The following ESR1 variants were observed in gnomAD, a reference collection of about 807,000 sequenced individuals.
ESR1 encodes estrogen receptor 1, also known as estrogen receptor.
ESR1 carries 12 observed loss-of-function variants against 52.7 expected under a neutral mutation model. The observed-to-expected ratio is 0.23, with a 90% CI of 0.15 to 0.37. The LOEUF (loss-of-function observed/expected upper bound fraction) is 0.37, where lower values mean the gene tolerates loss of function less well. Ranked by LOEUF, ESR1 falls within the 10% of genes least tolerant of loss-of-function variation. ESR1 has a pLI of 1.00. For missense variants in ESR1, 584 were observed against 779.7 expected (o/e 0.75, Z 2.99); for synonymous variants, 305 against 316.8 (o/e 0.96, Z 0.39).
At chr6:151,839,082 A>G (rs1176402416) in intron 1 of ESR1, among the ~76,000 whole-genome samples, 10 of 152,214 alleles carry the variant, frequency 6.6e-5, no homozygotes, top group Non-Finnish European at 1.2e-4. Flanking sequence ...TGCTCTAAGC[A>G]CATGGCATTT....
intron 1 of ESR1, among the ~76,000 whole-genome samples, chr6:151,685,044 A>G (rs1051417159): frequency 6.7e-6 from 1 of 148,886 alleles, no homozygotes; most frequent in African/African-American, 2.5e-5. Context: ...GCAAGCTGGG[A>G]AGTTAAACTT....
Position 152,053,836 on chromosome 6 carries a change from C to T in ESR1, c.1236-7155C>T, listed in dbSNP as rs1029953048. 8.5e-5 allele frequency among the ~76,000 whole-genome samples: 13 copies of T among 152,172 alleles called. No homozygotes were observed. The highest frequency in any genetic ancestry group is 2.9e-4 in the African/African-American group (12 of 41,454). On this transcript the variant is annotated intron_variant, in intron 5 of 7. Transcript: ENST00000206249. The surrounding 1 kb of genome is among the most constrained non-coding windows in gnomAD (Gnocchi z 4.1). The stretch of plus-strand genomic sequence containing the variant: ...TACTTAGTAAAAGGTTAAATGTTTA[C>T]ACCCCTTGATTCTGCTATTGTATGT...
rs145397200 is a variant in ESR1, at chr6:152,020,292, T to A, written c.1235+8498T>A. Among the ~76,000 whole-genome samples, 232 of 152,278 alleles carry A rather than the reference T, an allele frequency of 1.5e-3. 2 individuals are homozygous for A. Among genetic ancestry groups the A allele is most frequent in the African/African-American group, 5.4e-3 (224 of 41,558 alleles). On this transcript the variant is annotated intron_variant, in intron 5 of 7. Transcript: ENST00000206249. ...TCTAAAAGCAAGATCATTCCTTATGTTGGTTCTTTTGAGCTGGCAGGGGGA... is the reference window on the plus strand; with the variant it reads ...TCTAAAAGCAAGATCATTCCTTATGATGGTTCTTTTGAGCTGGCAGGGGGA...
chr6:151,768,108 T>G (rs1053889836), intron 2 of ESR1, among the ~76,000 whole-genome samples: 1 of 152,170 alleles, frequency 6.6e-6, no homozygotes, highest in Non-Finnish European at 1.5e-5. Context: ...CAGGATATTT[T>G]TAAAGTCTCC....
intron 3 of ESR1, among the ~76,000 whole-genome samples, chr6:151,935,663 C>T (rs1274122671): frequency 1.3e-5 from 2 of 152,204 alleles, no homozygotes; most frequent in Non-Finnish European, 2.9e-5. Flanking sequence ...AAATGTAGGA[C>T]GGCAGCTAAG....
At chr6:152,080,424 A>G (rs951019413) in intron 6 of ESR1, among the ~76,000 whole-genome samples, 1 of 152,188 alleles carries the variant, frequency 6.6e-6, no homozygotes, top group African/African-American at 2.4e-5. Flanking sequence ...GTGAAGGAGA[A>G]ATAAAATCCT....
At chr6:151,958,913 T>C (rs1201925217) in intron 4 of ESR1, among the ~76,000 whole-genome samples, 2 of 152,046 alleles carry the variant, frequency 1.3e-5, no homozygotes, top group South Asian at 2.1e-4. Context: ...CTCTTTGGGA[T>C]TCAAAGATGA....
chr6:151,964,767 G>C (rs113843830), intron 4 of ESR1, among the ~76,000 whole-genome samples: 41 of 151,678 alleles, frequency 2.7e-4, no homozygotes, highest in Non-Finnish European at 4.6e-4. Context: ...TCAGCCTCCC[G>C]TGTAGCTGGG....
chr6:151,899,781 C>A (rs1182541488), intron 3 of ESR1, among the ~76,000 whole-genome samples: 1 of 151,450 alleles, frequency 6.6e-6, no homozygotes, highest in Non-Finnish European at 1.5e-5. Flanking sequence ...AGAGGCGCTC[C>A]CCACATCTCA....
rs1316327856 is a variant in ESR1 at position 151,880,770 on chromosome 6, T to C, written c.759T>C (p.Gly253=). The C allele has an allele frequency of 3.9e-6, 6 of 1,532,900 alleles. No homozygotes were observed. The highest frequency in any genetic ancestry group is 5.4e-6 in the Non-Finnish European group (6 of 1,106,224). 95.0% of individuals were successfully genotyped at this position (1,532,900 alleles called of 1,614,324 possible). ...RKCYEVGMMK[G]GIRKDRRGGR... ...GCTACGAAGTGGGAATGATGAAAGG[T>C]GGTAGGTACATCTCTCCCAGGGGCC... Residue 253 remains glycine, a splice_region_variant and synonymous_variant, in exon 3 of 8, where the codon GGT becomes GGC. Transcript: ENST00000206249.
chr6:151,982,516 G>T (rs1043760504), intron 4 of ESR1, among the ~76,000 whole-genome samples: 1 of 150,922 alleles, frequency 6.6e-6, no homozygotes, highest in Admixed American at 6.6e-5. Flanking sequence ...ATGGAGTCTT[G>T]CTTTGTCACC....
chr6:151,900,445 C>G (rs1309161081), intron 3 of ESR1, among the ~76,000 whole-genome samples: 1 of 152,124 alleles, frequency 6.6e-6, no homozygotes, highest in African/African-American at 2.4e-5. Flanking sequence ...TTTCAGGTGA[C>G]TCAGGGATTT....
At chr6:151,778,529 C>T (rs944819801) in intron 2 of ESR1, among the ~76,000 whole-genome samples, 1 of 152,000 alleles carries the variant, frequency 6.6e-6, no homozygotes, top group Non-Finnish European at 1.5e-5. Context: ...CCTCAGCCTC[C>T]CCAGTAGCTG....
chr6:151,836,535 A>G lies in ESR1; in HGVS notation c.453-6062A>G, dbSNP rs546793915. Among the ~76,000 whole-genome samples the G allele has an allele frequency of 1.6e-4, 24 of 152,318 alleles. No homozygotes were observed. In the South Asian group the frequency reaches 4.8e-3, roughly 30 times the overall value. ...GACACATGGAATTATGGAAGCTACA[A>G]TTCAAGATAAGATTTAGGTGGGGAT... On this transcript the variant is annotated intron_variant, in intron 1 of 7. Transcript: ENST00000206249.
intron 3 of ESR1, among the ~76,000 whole-genome samples, chr6:151,933,293 T>C (rs1461032995): frequency 4.7e-5 from 7 of 149,836 alleles, no homozygotes; most frequent in Non-Finnish European, 7.4e-5. Flanking sequence ...GTGATTTTTG[T>C]ACATTGATTT....
At chr6:151,923,313 A>G (rs893412362) in intron 3 of ESR1, among the ~76,000 whole-genome samples, 3 of 152,078 alleles carry the variant, frequency 2.0e-5, no homozygotes, top group Non-Finnish European at 2.9e-5. Flanking sequence ...TTAAGTTTGG[A>G]TACATTGTGG....
intron 1 of ESR1, among the ~76,000 whole-genome samples, chr6:151,823,773 C>T (rs1780995935): frequency 6.6e-6 from 1 of 152,188 alleles, no homozygotes; most frequent in East Asian, 1.9e-4. Context: ...TTTCCAGCTT[C>T]ATCCATGTCC....
intron 3 of ESR1, among the ~76,000 whole-genome samples, chr6:151,897,213 A>AT (rs1320845337): frequency 5.3e-5 from 8 of 152,106 alleles, no homozygotes; most frequent in African/African-American, 1.9e-4. Context: ...CCAGGGTACA[A>AT]TTTAAATCCA....
intron 1 of ESR1, among the ~76,000 whole-genome samples, chr6:151,657,926 T>C (rs1777511340): frequency 6.6e-6 from 1 of 152,232 alleles, no homozygotes; most frequent in Non-Finnish European, 1.5e-5. Context: ...TTGTTCACTC[T>C]TTTAAGCTTT....
Sources: allele counts gnomAD v4.1 joint callset (sites outside exome capture counted in the v4.1 genomes callset), GRCh38; gene constraint gnomAD v4.1.1; non-coding constraint Gnocchi (gnomAD v3.1); transcripts MANE v1.5; gene names NCBI Gene and HGNC (gene_info 2026-07-23, HGNC 2026-07-21).